The following CDH8 variants were observed in gnomAD, a reference collection of about 807,000 sequenced individuals.
CDH8 encodes cadherin-8.
CDH8 carries 17 observed loss-of-function variants against 68.1 expected under a neutral mutation model. That is an observed-to-expected ratio of 0.25 (90% CI 0.17 to 0.37). The LOEUF is 0.37. Ranked by LOEUF, CDH8 falls within the 10% of genes least tolerant of loss-of-function variation. The pLI is 1.00. For synonymous variants in CDH8, 372 were observed against 365.1 expected (o/e 1.02, Z -0.21); for missense variants, 763 against 999.3 (o/e 0.76, Z 3.19).
chr16:61,851,512 T>C (rs1962937040), intron 4 of CDH8, among the ~76,000 whole-genome samples: 1 of 152,102 alleles, frequency 6.6e-6, no homozygotes, highest in African/African-American at 2.4e-5. Flanking sequence ...AGATTTTCCA[T>C]CTTCAATCAC....
chr16:61,877,688 C>T (rs749685844), intron 3 of CDH8, among the ~76,000 whole-genome samples: 2 of 152,026 alleles, frequency 1.3e-5, no homozygotes, highest in African/African-American at 2.4e-5. Context: ...CAAATTCACA[C>T]ACAAACACTC....
At chr16:61,863,613 A>G (rs1181320958) in intron 3 of CDH8, among the ~76,000 whole-genome samples, 1 of 152,190 alleles carries the variant, frequency 6.6e-6, no homozygotes, top group Non-Finnish European at 1.5e-5. Context: ...GGAAAAGCTA[A>G]AACTCTTATG....
chr16:61,961,108 G>A (rs1278917000), intron 2 of CDH8, among the ~76,000 whole-genome samples: 1 of 152,060 alleles, frequency 6.6e-6, no homozygotes, highest in African/African-American at 2.4e-5. Context: ...TCGAGGTCAG[G>A]AGTTTGAGAC....
rs1482216512 is a variant in CDH8 at position 61,653,620 on chromosome 16, G to A, written c.2388C>T (p.Asp796=). The change falls in exon 12 of 12, where the codon GAC becomes GAT. Residue 796 remains aspartate (D), a synonymous_variant. Coordinates refer to ENST00000577390, the MANE Select transcript of CDH8 (RefSeq NM_001796.5). ...LGELYSVGES[D]KET ...TTATAATCCACTGTCAAGTTTCTTT[G>A]TCACTTTCACCAACAGAGTAGAGTT... 6.2e-7 allele frequency: 1 copy of A among 1,607,694 alleles called. No individual in the cohort carries two copies. The highest frequency in any genetic ancestry group is 8.5e-7 in the Non-Finnish European group (1 of 1,177,664).
At chr16:62,033,086 T>A (rs1165918369) in intron 1 of CDH8, among the ~76,000 whole-genome samples, 1 of 152,228 alleles carries the variant, frequency 6.6e-6, no homozygotes, top group African/African-American at 2.4e-5. Context: ...TCCTCCTGAC[T>A]AACAAGCAGT....
chr16:61,929,263 A>G (rs1964503562), intron 2 of CDH8, among the ~76,000 whole-genome samples: 1 of 152,052 alleles, frequency 6.6e-6, no homozygotes, highest in African/African-American at 2.4e-5. Flanking sequence ...TTCTATGTAT[A>G]AGCATCTTGA....
chr16:62,016,812 G>A (rs548012848), intron 2 of CDH8, among the ~76,000 whole-genome samples: 2 of 152,340 alleles, frequency 1.3e-5, no homozygotes, highest in South Asian at 4.1e-4. Flanking sequence ...AAACACAAAA[G>A]TCTGAAGATA....
intron 2 of CDH8, among the ~76,000 whole-genome samples, chr16:61,989,960 T>TG (rs1965688904): frequency 6.6e-6 from 1 of 152,162 alleles, no homozygotes; most frequent in Non-Finnish European, 1.5e-5. Context: ...TATCACATGC[T>TG]GATTGGGATC....
At chr16:61,792,168 G>A (rs1027478197) in intron 7 of CDH8, among the ~76,000 whole-genome samples, 2 of 151,924 alleles carry the variant, frequency 1.3e-5, no homozygotes, top group Admixed American at 6.6e-5. Flanking sequence ...AACAAAGGCA[G>A]AGATATTTTT....
At chr16:61,687,081 T>C (rs2142819476) in intron 10 of CDH8, among the ~76,000 whole-genome samples, 1 of 152,064 alleles carries the variant, frequency 6.6e-6, no homozygotes, top group South Asian at 2.1e-4. Flanking sequence ...GTTGATACTT[T>C]CCTTAAAGGT....
intron 2 of CDH8, among the ~76,000 whole-genome samples, chr16:61,958,049 G>A (rs976613691): frequency 6.6e-6 from 1 of 152,168 alleles, no homozygotes; most frequent in Non-Finnish European, 1.5e-5. Context: ...TCTAGGGACT[G>A]AATAGAGTAT....
intron 8 of CDH8, among the ~76,000 whole-genome samples, chr16:61,761,023 CAT>C (rs1409766978): frequency 6.6e-6 from 1 of 152,150 alleles, no homozygotes; most frequent in Non-Finnish European, 1.5e-5. Context: ...CTCAAAGTCA[CAT>C]GACACACAAA....
chr16:61,952,781 C>T (rs1426875506), intron 2 of CDH8, among the ~76,000 whole-genome samples: 2 of 152,092 alleles, frequency 1.3e-5, no homozygotes. Flanking sequence ...TGTGCTGTCT[C>T]GAATAATTTT....
intron 10 of CDH8, among the ~76,000 whole-genome samples, chr16:61,669,956 A>G (rs1375324993): frequency 6.6e-6 from 1 of 152,106 alleles, no homozygotes; most frequent in Non-Finnish European, 1.5e-5. Context: ...GTTTCTTTCT[A>G]AAACTTCAGC....
chr16:61,976,672 A>C (rs79050953), intron 2 of CDH8, among the ~76,000 whole-genome samples: 1,812 of 152,302 alleles, frequency 0.012, 46 homozygotes, highest in African/African-American at 0.042. Flanking sequence ...CAAAAATTCC[A>C]GAAAGAAACA....
At position 61,647,862 on chromosome 16, in the gene CDH8, T is replaced by G; in HGVS notation, c.*5746A>C. 1.4e-6 allele frequency: 1 copy of G among 699,578 alleles called. No individual in the cohort carries two copies. Among genetic ancestry groups the G allele is most frequent in the Non-Finnish European group, 2.6e-6 (1 of 382,750 alleles). The allele number at this position is 699,578 out of a possible 1,614,324, so 43.3% of individuals were successfully genotyped here. ...TCTCTTCAGACAGCATCTTGTGATA[T>G]TCCTCCTAGCAACCCTCTTCTGTAA... is the stretch of plus-strand genomic sequence containing the variant. On this transcript the variant is annotated 3_prime_UTR_variant, in exon 12 of 12. Coordinates refer to ENST00000577390, the MANE Select transcript of CDH8 (RefSeq NM_001796.5).
intron 3 of CDH8, among the ~76,000 whole-genome samples, chr16:61,861,194 T>C (rs1963143107): frequency 1.3e-5 from 2 of 152,150 alleles, no homozygotes; most frequent in Non-Finnish European, 2.9e-5. Context: ...CTAAAAAATA[T>C]TTTCAGGCAG....
At chr16:61,976,533 C>T (rs914184359) in intron 2 of CDH8, among the ~76,000 whole-genome samples, 2 of 151,990 alleles carry the variant, frequency 1.3e-5, no homozygotes, top group African/African-American at 2.4e-5. Context: ...CCAAGCTGTC[C>T]CCATTTCAGG....
Position 61,960,183 on chromosome 16 carries a change from A to ATG in CDH8, c.253-58712_253-58711dup, listed in dbSNP as rs758939097. On this transcript the variant is annotated intron_variant, in intron 2 of 11. Transcript: ENST00000577390. ...TGTGTATACACATACATATATACAT[A>ATG]TGTGTGTGTATACACATACATATAT... Among the ~76,000 whole-genome samples the ATG allele has an allele frequency of 6.3e-3, 306 of 48,338 alleles. 84 individuals are homozygous for ATG. The highest frequency in any genetic ancestry group is 0.061 in the Middle Eastern group (4 of 66). The allele number at this position is 48,338 out of a possible 152,430, so 31.7% of individuals were successfully genotyped here.
Sources: gnomAD v4.1 joint callset for allele counts (sites outside exome capture counted in the v4.1 genomes callset) on GRCh38, gnomAD v4.1.1 for gene constraint, MANE v1.5 for transcripts, NCBI Gene and HGNC (gene_info 2026-07-23, HGNC 2026-07-21) for gene names.